EIF4A2: variants seen among roughly 807,000 people sequenced by gnomAD.
EIF4A2 encodes the protein eukaryotic initiation factor 4A-II.
In EIF4A2, 9 loss-of-function variants were observed where a neutral mutation model predicts 50.6. The observed-to-expected ratio is 0.18, with a 90% CI of 0.11 to 0.31. EIF4A2 has a LOEUF of 0.31. Among genes scored for constraint, EIF4A2 ranks in the 10% least tolerant of loss-of-function variants. EIF4A2 has a pLI of 1.00. For missense variants in EIF4A2, 182 were observed against 501.8 expected, an observed-to-expected ratio of 0.36 and a Z score of 6.09; for synonymous variants, 215 against 164.4, an observed-to-expected ratio of 1.31 and a Z score of -2.35.
In EIF4A2 at chr3:186,789,319, G is replaced by C; in HGVS notation, c.*50G>C. On this transcript the variant is annotated 3_prime_UTR_variant, in exon 11 of 11. Coordinates refer to ENST00000323963, the MANE Select transcript of EIF4A2 (RefSeq NM_001967.4). ...CAGTGCTCGCTGTTGCTGAATAGGC[G>C]ATCACAACGTGCATTGTGCTTCTTT... 6.4e-7 allele frequency: 1 copy of C among 1,568,026 alleles called. No homozygotes were observed. Among genetic ancestry groups the C allele is most frequent in the Non-Finnish European group, 8.6e-7 (1 of 1,156,454 alleles).
rs759276609 is a variant in EIF4A2 at position 186,784,438 on chromosome 3, TGGC to T, written c.40_42del (p.Gly14del). On this transcript the variant is annotated inframe_deletion, in exon 2 of 11. Coordinates refer to ENST00000323963, the MANE Select transcript of EIF4A2 (RefSeq NM_001967.4). ...GCAGTATTCTTGTCAGCAGAGAACA[TGGC>T]GGCCCAGAGGGAATGGACCCCGATG... 6.2e-6 allele frequency: 10 copies of T among 1,614,042 alleles called. No homozygotes were observed. In the East Asian group the frequency reaches 8.9e-5, roughly 14 times the overall value.
chr3:186,788,964 T>C (rs1303178696), intron 10 of EIF4A2, 161 bp from the exon 11 acceptor site: 1 of 1,044,002 alleles, frequency 9.6e-7, no homozygotes, highest in African/African-American at 1.7e-5. Context: ...CAAAGGAAGA[T>C]TTTTTTCTCT....
At chr3:186,787,636 G>A in intron 9 of EIF4A2, 52 bp downstream of exon 9, 6 of 1,610,884 alleles carry the variant, frequency 3.7e-6, no homozygotes, top group Non-Finnish European at 5.1e-6. Flanking sequence ...CTTTTTGGGG[G>A]GCAGGTTTTT....
chr3:186,783,588 G>A lies in EIF4A2; in HGVS notation c.-23G>A, dbSNP rs753103190. 16 of 1,614,046 alleles carry A rather than the reference G, an allele frequency of 9.9e-6. No individual in the cohort carries two copies. The East Asian group carries it at 2.7e-4, about 27-fold the overall frequency. ...TTGGGCGCCGCTGTCTTTTCAGTCG[G>A]GCGCTGAGTGGTTTTTCGGATCATG... On this transcript the variant is annotated 5_prime_UTR_variant, in exon 1 of 11. Transcript: ENST00000323963.
rs752418264 is a variant in EIF4A2, at chr3:186,784,421, C to T, written c.30-11C>T. On this transcript the variant is annotated splice_polypyrimidine_tract_variant and intron_variant, in intron 1 of 10. Transcript: ENST00000323963. ...GGAAGGGGTGTCTGACTGCAGTATTCTTGTCAGCAGAGAACATGGCGGCCC... is the reference window on the plus strand; with the variant it reads ...GGAAGGGGTGTCTGACTGCAGTATTTTTGTCAGCAGAGAACATGGCGGCCC... The T allele has an allele frequency of 2.5e-6, 4 of 1,614,176 alleles. No homozygotes were observed. Among genetic ancestry groups the T allele is most frequent in the Admixed American group, 3.3e-5 (2 of 60,030 alleles).
At chr3:186,786,769 G>GT (rs1560085446) in intron 7 of EIF4A2, 124 bp downstream of exon 7, 1 of 1,308,016 alleles carries the variant, frequency 7.6e-7, no homozygotes, top group South Asian at 1.2e-5. Flanking sequence ...AAGAAGAAAA[G>GT]TAACAGCACT....
At position 186,787,241 on chromosome 3, in the gene EIF4A2, A is replaced by C. The variant is rs1579163691; in HGVS notation, c.886A>C (p.Arg296=). 2.5e-6 allele frequency: 4 copies of C among 1,614,040 alleles called. No individual in the cohort carries two copies. In the East Asian group the frequency reaches 8.9e-5, roughly 36 times the overall value. ...CTGGCTGACTGAGAAGATGCATGCCAGAGACTTCACAGTTTCTGCTCTGGT... is the reference window on the plus strand; with the variant it reads ...CTGGCTGACTGAGAAGATGCATGCCCGAGACTTCACAGTTTCTGCTCTGGT... ...VDWLTEKMHA[R]DFTVSALHGD... Residue 296 remains arginine, a synonymous_variant, in exon 8 of 11, where the codon AGA becomes CGA. Coordinates refer to ENST00000323963, the MANE Select transcript of EIF4A2 (RefSeq NM_001967.4).
chr3:186,788,283 TA>T (rs571773703), intron 10 of EIF4A2: 2 of 1,291,830 alleles, frequency 1.5e-6, no homozygotes, highest in East Asian at 5.5e-5. Flanking sequence ...TTATATGATG[TA>T]AAAAAAGACT....
chr3:186,784,209 A>G (rs914323783), intron 1 of EIF4A2: 3 of 620,660 alleles, frequency 4.8e-6, no homozygotes, highest in Non-Finnish European at 8.3e-6. Flanking sequence ...CCGCAGTTGA[A>G]ACGGGATCGC....
intron 10 of EIF4A2, chr3:186,788,424 T>C: frequency 1.6e-6 from 2 of 1,243,900 alleles, no homozygotes; most frequent in South Asian, 2.7e-5. Flanking sequence ...CGAGTCGGTA[T>C]TTATATTTGT....
At position 186,785,957 on chromosome 3, in the gene EIF4A2, T is replaced by A. The variant is rs138208252; in HGVS notation, c.423T>A (p.Val141=). 6 of 1,613,160 alleles carry A rather than the reference T, an allele frequency of 3.7e-6. No individual in the cohort carries two copies. The African/African-American group carries it at 6.7e-5, about 18-fold the overall frequency. Residue 141 remains valine (V), a synonymous_variant, in exon 5 of 11, where the codon GTT becomes GTA. Transcript: ENST00000323963. ...TCHACIGGTN[V]RNEMQKLQAE... ...ATGCCTGCATTGGTGGAACAAATGT[T>A]CGAAATGAAATGCAAAAACTGCAGG...
chr3:186,788,271 T>C (rs1261007850), intron 10 of EIF4A2: 1 of 1,285,890 alleles, frequency 7.8e-7, no homozygotes, highest in South Asian at 1.2e-5. Context: ...AATTGTACTT[T>C]GTTATATGAT....
intron 10 of EIF4A2, 189 bp from the exon 11 acceptor site, chr3:186,788,936 T>C (rs1323883733): frequency 2.9e-6 from 2 of 692,240 alleles, no homozygotes; most frequent in Non-Finnish European, 4.4e-6. Flanking sequence ...AAGCCTTGAA[T>C]CCTTTTGGCA....
At chr3:186,788,044 A>C in intron 10 of EIF4A2, 162 bp downstream of exon 10, 1 of 831,482 alleles carries the variant, frequency 1.2e-6, no homozygotes, top group Non-Finnish European at 1.8e-6. Context: ...TGATGAGAAC[A>C]AAGTGGGAAA....
intron 3 of EIF4A2, 108 bp from the exon 4 acceptor site, chr3:186,784,854 G>A: frequency 6.3e-7 from 1 of 1,598,648 alleles, no homozygotes; most frequent in Non-Finnish European, 8.5e-7. Context: ...AATACTCATT[G>A]CTGATCACTT....
intron 6 of EIF4A2, 93 bp from the exon 7 acceptor site, chr3:186,786,409 A>G: frequency 6.5e-7 from 1 of 1,548,342 alleles, no homozygotes; most frequent in South Asian, 1.2e-5. Flanking sequence ...GTCTACCTTC[A>G]TTCCGTAGTA....
intron 10 of EIF4A2, chr3:186,788,190 C>G (rs1431114134): frequency 2.4e-6 from 2 of 845,116 alleles, no homozygotes; most frequent in African/African-American, 3.5e-5. Flanking sequence ...TTGGGATTTT[C>G]TTGGTGTCGC....
chr3:186,785,674 G>GCAT lies in EIF4A2; in HGVS notation c.349-207_349-205dup, dbSNP rs1579159202. The stretch of plus-strand genomic sequence containing the variant: ...TGTCTAGCTGATGCGTGGAGCAGCA[G>GCAT]CATCCCAAGTTTGACAAGGCATAAG... On this transcript the variant is annotated intron_variant, in intron 4 of 10. Transcript: ENST00000323963. 9.3e-6 allele frequency: 5 copies of GCAT among 539,292 alleles called. No individual in the cohort carries two copies. The East Asian group carries it at 1.4e-4, about 16-fold the overall frequency. 33.4% of individuals were successfully genotyped at this position (539,292 alleles called of 1,614,324 possible).
Position 186,785,900 on chromosome 3 carries a change from G to T in EIF4A2, c.366G>T (p.Leu122=), listed in dbSNP as rs1721677367. The part of the protein sequence containing the change: ...ELAQQIQKVI[L]ALGDYMGATC... ...GGTTTTAGATCCAAAAGGTAATTCTGGCACTTGGAGACTATATGGGAGCCA... is the reference window on the plus strand; with the variant it reads ...GGTTTTAGATCCAAAAGGTAATTCTTGCACTTGGAGACTATATGGGAGCCA... Residue 122 remains leucine, a synonymous_variant, in exon 5 of 11, where the codon CTG becomes CTT. Coordinates refer to ENST00000323963, the MANE Select transcript of EIF4A2 (RefSeq NM_001967.4). 1.3e-6 allele frequency: 2 copies of T among 1,591,036 alleles called. No homozygotes were observed. Among genetic ancestry groups the T allele is most frequent in the Admixed American group, 3.4e-5 (2 of 59,164 alleles).
Sources: allele counts gnomAD v4.1 joint callset, GRCh38; gene constraint gnomAD v4.1.1; transcripts MANE v1.5; gene names NCBI Gene and HGNC (gene_info 2026-07-23, HGNC 2026-07-21).